Variants in KIF26B observed in about 807,000 individuals in gnomAD.
The protein encoded by KIF26B is kinesin family member 26B, also known as kinesin-like protein KIF26B.
A neutral mutation model predicts 151.2 loss-of-function variants in KIF26B; 63 were observed. That is an observed-to-expected ratio of 0.42 (90% CI 0.34 to 0.51). The LOEUF (loss-of-function observed/expected upper bound fraction) is 0.51. KIF26B is among the 20% of genes least tolerant of loss of function. The pLI, the probability that KIF26B is intolerant of heterozygous loss-of-function variation, is 0.07. For synonymous variants in KIF26B, 1,357 were observed against 1,262.1 expected (o/e 1.08, Z -1.59); for missense variants, 2,813 against 2,913.6 (o/e 0.97, Z 0.79).
At position 245,521,939 on chromosome 1, in the gene KIF26B, G is replaced by A. The variant is rs185501027; in HGVS notation, c.1167-18828G>A. 2.0e-3 allele frequency among the ~76,000 whole-genome samples: 299 copies of A among 150,408 alleles called. 4 individuals are homozygous for A. The highest frequency in any genetic ancestry group is 4.6e-3 in the African/African-American group (191 of 41,292). On this transcript the variant is annotated intron_variant, in intron 4 of 14. Coordinates refer to ENST00000407071, the MANE Select transcript of KIF26B (RefSeq NM_018012.4). ...GGATGGAGTGCAGTGGTGCGATCTC[G>A]GCTCACTGCAAGCTCTGCCTCCCGT...
rs545343607 is a variant in KIF26B, at chr1:245,476,443, A to G, written c.1166+56698A>G. Among the ~76,000 whole-genome samples the G allele has an allele frequency of 9.9e-5, 15 of 151,948 alleles. No homozygotes were observed. In the East Asian group the frequency reaches 2.7e-3, roughly 27 times the overall value. The stretch of plus-strand genomic sequence containing the variant: ...ATCTCAATATTAATTTTAAAATCCA[A>G]TGAAGGGCAAATTTATATTGTTTTT... On this transcript the variant is annotated intron_variant, in intron 4 of 14. Coordinates refer to ENST00000407071, the MANE Select transcript of KIF26B (RefSeq NM_018012.4).
In KIF26B at chr1:245,352,335, C is replaced by T. The variant is rs1672585267; in HGVS notation, c.466-14499C>T. Among the ~76,000 whole-genome samples, 1 of 152,216 alleles carries T rather than the reference C, an allele frequency of 6.6e-6. No homozygotes were observed. The highest frequency in any genetic ancestry group is 1.5e-5 in the Non-Finnish European group (1 of 68,044). On this transcript the variant is annotated intron_variant, in intron 2 of 14. Transcript: ENST00000407071. This position sits in a 1 kb window ranked among gnomAD's most constrained non-coding sequence, Gnocchi z 5.0. ...CTGGAGGGCAATGGTGCGATCTCAG[C>T]TCACTGCAACCTCCGCCTCCCAGGC...
intron 2 of KIF26B, among the ~76,000 whole-genome samples, chr1:245,297,350 A>G (rs1671354119): frequency 6.6e-6 from 1 of 152,204 alleles, no homozygotes; most frequent in Non-Finnish European, 1.5e-5. Context: ...CTCAAAAAAT[A>G]AAAAAGAGCA....
intron 2 of KIF26B, among the ~76,000 whole-genome samples, chr1:245,234,916 G>A (rs1376681041): frequency 6.6e-6 from 1 of 152,142 alleles, no homozygotes; most frequent in East Asian, 1.9e-4. Context: ...ACACCCGGTG[G>A]CACACAGGCT....
chr1:245,487,746 T>C (rs1660313425), intron 4 of KIF26B, among the ~76,000 whole-genome samples: 1 of 150,942 alleles, frequency 6.6e-6, no homozygotes, highest in Non-Finnish European at 1.5e-5. Context: ...TACAGGCACA[T>C]GTCACCACAT....
At chr1:245,538,502 TC>T (rs1661533690) in intron 4 of KIF26B, among the ~76,000 whole-genome samples, 1 of 151,904 alleles carries the variant, frequency 6.6e-6, no homozygotes, top group Non-Finnish European at 1.5e-5. Flanking sequence ...TCAGGGATCC[TC>T]GCTTTTCTCC....
rs371448938 is a variant in KIF26B, at chr1:245,540,841, C to T, written c.1241C>T (p.Pro414Leu). Reference protein sequence around the residue: ...RPSTSSAAEPPLFATSFSGIL... With the variant: ...RPSTSSAAEPLLFATSFSGIL... ...TCCACTTCTTCCGCTGCCGAACCACCGCTCTTTGCAACCAGCTTCAGTGGG... is the reference window on the plus strand; with the variant it reads ...TCCACTTCTTCCGCTGCCGAACCACTGCTCTTTGCAACCAGCTTCAGTGGG... Residue 414 changes from proline (P) to leucine (L), a missense_variant, in exon 5 of 15, where the codon CCG becomes CTG. Pro to Leu is a moderately conservative substitution (Grantham distance 98, BLOSUM62 -3). Transcript: ENST00000407071. The surrounding 1 kb of genome is among the most constrained non-coding windows in gnomAD (Gnocchi z 4.6). 36 of 1,613,850 alleles carry T rather than the reference C, an allele frequency of 2.2e-5. No individual in the cohort carries two copies. The highest frequency in any genetic ancestry group is 3.3e-5 in the South Asian group (3 of 91,078).
At chr1:245,513,075 G>A (rs149584742) in intron 4 of KIF26B, among the ~76,000 whole-genome samples, 79 of 152,124 alleles carry the variant, frequency 5.2e-4, no homozygotes, top group Middle Eastern at 3.4e-3. Flanking sequence ...AAATAGAAAA[G>A]AAAAGGCAAA....
chr1:245,420,046 C>T (rs1287691273), intron 4 of KIF26B, among the ~76,000 whole-genome samples: 1 of 152,096 alleles, frequency 6.6e-6, no homozygotes, highest in Admixed American at 6.6e-5. Context: ...GTGAGAGGCC[C>T]CAGGGTCGAG....
chr1:245,355,713 C>A lies in KIF26B; in HGVS notation c.466-11121C>A, dbSNP rs898090147. Reference sequence around the variant, plus strand: ...AAGACATCTGCATTCTACCTTTAGTCTCTGGGCTATGTCTCCGGGGCTATT... The same window carrying A: ...AAGACATCTGCATTCTACCTTTAGTATCTGGGCTATGTCTCCGGGGCTATT... On this transcript the variant is annotated intron_variant, in intron 2 of 14. Coordinates refer to ENST00000407071, the MANE Select transcript of KIF26B (RefSeq NM_018012.4). 3.3e-5 allele frequency among the ~76,000 whole-genome samples: 5 copies of A among 152,144 alleles called. 1 individual carries two copies. Among genetic ancestry groups the A allele is most frequent in the African/African-American group, 1.2e-4 (5 of 41,494 alleles).
At chr1:245,204,866 G>A (rs1168962363) in intron 2 of KIF26B, among the ~76,000 whole-genome samples, 1 of 151,804 alleles carries the variant, frequency 6.6e-6, no homozygotes, top group African/African-American at 2.4e-5. Flanking sequence ...CTGCAGCGTC[G>A]AACTCCTCAG....
chr1:245,681,261 G>C (rs1005651173), intron 10 of KIF26B, among the ~76,000 whole-genome samples: 14 of 151,026 alleles, frequency 9.3e-5, no homozygotes, highest in African/African-American at 3.2e-4. Context: ...CCAGGCTGAA[G>C]TGCAGTGGCG....
intron 2 of KIF26B, among the ~76,000 whole-genome samples, chr1:245,266,305 G>A (rs900726311): frequency 3.3e-5 from 5 of 152,166 alleles, no homozygotes; most frequent in African/African-American, 1.2e-4. Context: ...GTGCTGACAA[G>A]GGATATTGGT....
intron 3 of KIF26B, among the ~76,000 whole-genome samples, chr1:245,378,176 T>G (rs944145808): frequency 6.6e-6 from 1 of 152,184 alleles, no homozygotes; most frequent in African/African-American, 2.4e-5. Flanking sequence ...TAATTTGGTC[T>G]GTATTTTTTG....
intron 2 of KIF26B, among the ~76,000 whole-genome samples, chr1:245,225,297 CT>C (rs1460951535): frequency 1.3e-5 from 2 of 152,174 alleles, no homozygotes; most frequent in African/African-American, 4.8e-5. Flanking sequence ...GAGAAGGGTC[CT>C]GGGGGTGCCC....
At position 245,325,073 on chromosome 1, in the gene KIF26B, C is replaced by T. The variant is rs1265382895; in HGVS notation, c.466-41761C>T. Among the ~76,000 whole-genome samples, 10 of 135,398 alleles carry T rather than the reference C, an allele frequency of 7.4e-5. No individual in the cohort carries two copies. The East Asian group carries it at 8.4e-4, about 11-fold the overall frequency. The allele number at this position is 135,398 out of a possible 152,430, so 88.8% of individuals were successfully genotyped here. ...TCACGCCACTGCACTCCAGCCTGGACGACAAAGCCAGACCTTGTCTCAAAA... is the reference window on the plus strand; with the variant it reads ...TCACGCCACTGCACTCCAGCCTGGATGACAAAGCCAGACCTTGTCTCAAAA... On this transcript the variant is annotated intron_variant, in intron 2 of 14. Transcript: ENST00000407071.
At position 245,709,068 on chromosome 1, in the gene KIF26B, TA is replaced by T. The variant is rs2044875321; in HGVS notation, c.*6466del. 6.6e-6 allele frequency: 1 copy of T among 152,242 alleles called. No individual in the cohort carries two copies. Among genetic ancestry groups the T allele is most frequent in the Non-Finnish European group, 1.5e-5 (1 of 68,036 alleles). 9.4% of individuals were successfully genotyped at this position (152,242 alleles called of 1,614,324 possible). ...AGTGTTTGCTGTTAAAATGCTTCAATAAAACTCATTTGTTAAAGTCAGAAAT... is the reference window on the plus strand; with the variant it reads ...AGTGTTTGCTGTTAAAATGCTTCAATAAACTCATTTGTTAAAGTCAGAAAT... On this transcript the variant is annotated 3_prime_UTR_variant, in exon 15 of 15. Transcript: ENST00000407071.
intron 4 of KIF26B, among the ~76,000 whole-genome samples, chr1:245,528,362 C>T (rs1558200877): frequency 6.6e-6 from 1 of 152,174 alleles, no homozygotes; most frequent in Non-Finnish European, 1.5e-5. Context: ...GCAGGCAAAA[C>T]TCTGTTCACA....
At chr1:245,646,326 G>A in intron 10 of KIF26B, 46 bp downstream of exon 10, 1 of 1,595,406 alleles carries the variant, frequency 6.3e-7, no homozygotes, top group Non-Finnish European at 8.6e-7. Flanking sequence ...TAAGCATGGT[G>A]TGGGACGCTT....
Sources: gnomAD v4.1 joint callset for allele counts (sites outside exome capture counted in the v4.1 genomes callset) on GRCh38, gnomAD v4.1.1 for gene constraint, Gnocchi (gnomAD v3.1) non-coding constraint, MANE v1.5 for transcripts, NCBI Gene and HGNC (gene_info 2026-07-23, HGNC 2026-07-21) for gene names.